The following WWOX variants were observed in gnomAD, a reference collection of about 807,000 sequenced individuals.
The protein encoded by WWOX is WW domain containing oxidoreductase, also known as WW domain-containing oxidoreductase.
Under a neutral mutation model 46.2 loss-of-function variants are expected in WWOX, and 69 were observed. That is an observed-to-expected ratio of 1.49 (90% CI 1.23 to 1.82). The LOEUF is 1.82. Among genes scored for constraint, WWOX ranks in the 40% most tolerant of loss-of-function variants. The pLI is 0.00. For missense variants in WWOX, 919 were observed against 542.6 expected (o/e 1.69, Z -6.89); for synonymous variants, 359 against 202.6 (o/e 1.77, Z -6.56).
At chr16:78,373,526 GCTTT>G (rs1567532961) in intron 5 of WWOX, among the ~76,000 whole-genome samples, 1 of 152,166 alleles carries the variant, frequency 6.6e-6, no homozygotes, top group African/African-American at 2.4e-5. Context: ...AGGAAATGTG[GCTTT>G]CTGTCTAGTC....
At chr16:78,674,383 C>G (rs2142212740) in intron 8 of WWOX, among the ~76,000 whole-genome samples, 1 of 151,278 alleles carries the variant, frequency 6.6e-6, no homozygotes, top group East Asian at 2.0e-4. Context: ...CTTCCAAGTT[C>G]AAGCAATTGT....
At chr16:79,209,726 C>T (rs772672449) in intron 8 of WWOX, among the ~76,000 whole-genome samples, 1 of 152,184 alleles carries the variant, frequency 6.6e-6, no homozygotes, top group Admixed American at 6.5e-5. Context: ...GCTGGATGAG[C>T]ATCTCAATTC....
intron 8 of WWOX, among the ~76,000 whole-genome samples, chr16:78,471,371 G>T (rs1335750150): frequency 1.3e-5 from 2 of 152,224 alleles, no homozygotes; most frequent in Admixed American, 1.3e-4. Context: ...CACCTCATTT[G>T]TCTGGTGGAA....
At chr16:78,659,372 C>A (rs2047158532) in intron 8 of WWOX, among the ~76,000 whole-genome samples, 1 of 152,074 alleles carries the variant, frequency 6.6e-6, no homozygotes, top group South Asian at 2.1e-4. Context: ...GCGACAACAT[C>A]AGGGTCATCT....
At chr16:78,798,863 C>G (rs1364996313) in intron 8 of WWOX, among the ~76,000 whole-genome samples, 1 of 152,114 alleles carries the variant, frequency 6.6e-6, no homozygotes, top group Non-Finnish European at 1.5e-5. Context: ...GGACTGAATA[C>G]AGATTAGGCA....
intron 8 of WWOX, among the ~76,000 whole-genome samples, chr16:78,599,355 G>C (rs866513501): frequency 1.2e-4 from 18 of 152,312 alleles, no homozygotes; most frequent in Middle Eastern, 6.8e-3. Context: ...TTGGGCTTGA[G>C]ACTCTGCAAA....
At chr16:79,100,746 C>G (rs2049175179) in intron 8 of WWOX, among the ~76,000 whole-genome samples, 1 of 152,110 alleles carries the variant, frequency 6.6e-6, no homozygotes, top group Non-Finnish European at 1.5e-5. Context: ...TAAAATAATT[C>G]AGGGACTGGG....
At chr16:78,672,231 C>G (rs2047481640) in intron 8 of WWOX, among the ~76,000 whole-genome samples, 1 of 152,166 alleles carries the variant, frequency 6.6e-6, no homozygotes, top group Non-Finnish European at 1.5e-5. Context: ...TAGAATTTTC[C>G]TTTTCCATGT....
At chr16:78,293,978 G>GAAAAAAAAAAAAAAAAAAAAAAAAAAAAA (rs35079271) in intron 5 of WWOX, among the ~76,000 whole-genome samples, 1 of 30,312 alleles carries the variant, frequency 3.3e-5, no homozygotes, top group Admixed American at 4.9e-4. Context: ...CTCTGTCTCA[G>GAAAAAAAAAAAAAAAAAAAAAAAAAAAAA]AAAAAAAAAA....
At chr16:78,900,567 T>G (rs907811545) in intron 8 of WWOX, among the ~76,000 whole-genome samples, 2 of 152,190 alleles carry the variant, frequency 1.3e-5, no homozygotes, top group African/African-American at 2.4e-5. Flanking sequence ...TTTCGTGGCC[T>G]TCAGGTTATT....
At chr16:78,108,053 C>T (rs980746226) in intron 1 of WWOX, among the ~76,000 whole-genome samples, 7 of 151,588 alleles carry the variant, frequency 4.6e-5, no homozygotes, top group African/African-American at 1.5e-4. Flanking sequence ...CTCAGCCTCC[C>T]GAGTAGCTGG....
chr16:78,431,745 C>A (rs1245370252), intron 7 of WWOX, among the ~76,000 whole-genome samples: 2 of 148,234 alleles, frequency 1.3e-5, no homozygotes, highest in South Asian at 2.1e-4. Context: ...ATATGGGGGT[C>A]TCACTCTGTT....
At chr16:79,016,679 T>TC (rs11428209) in intron 8 of WWOX, 101,124 of 151,992 alleles carry the variant, frequency 0.67, 34,364 homozygotes, top group East Asian at 0.86. Flanking sequence ...TGCATCGGCT[T>TC]CCCAAAGTGC....
intron 8 of WWOX, among the ~76,000 whole-genome samples, chr16:78,709,519 C>T (rs932346776): frequency 3.3e-5 from 5 of 152,118 alleles, no homozygotes; most frequent in African/African-American, 4.8e-5. Context: ...ATCTGATAGA[C>T]GGTGTGCCTC....
At chr16:78,723,309 C>T (rs1171588020) in intron 8 of WWOX, among the ~76,000 whole-genome samples, 1 of 152,152 alleles carries the variant, frequency 6.6e-6, no homozygotes, top group Admixed American at 6.5e-5. Flanking sequence ...GAAGCATGGT[C>T]TCTTGCCTTG....
intron 8 of WWOX, among the ~76,000 whole-genome samples, chr16:78,827,495 G>A (rs1309465940): frequency 6.6e-6 from 1 of 151,970 alleles, no homozygotes; most frequent in Non-Finnish European, 1.5e-5. Context: ...CCATTTTCTG[G>A]CAGGGAGACC....
At chr16:78,177,502 G>C (rs1255920165) in intron 5 of WWOX, among the ~76,000 whole-genome samples, 1 of 152,196 alleles carries the variant, frequency 6.6e-6, no homozygotes, top group African/African-American at 2.4e-5. Context: ...GGTGGACTGT[G>C]AACAGCCCCC....
intron 8 of WWOX, among the ~76,000 whole-genome samples, chr16:78,474,903 C>T (rs2084319011): frequency 6.6e-6 from 1 of 152,176 alleles, no homozygotes; most frequent in African/African-American, 2.4e-5. Context: ...CCTAATTTTT[C>T]AGTTCCTTGT....
chr16:78,929,511 G>A (rs1326516846), intron 8 of WWOX, among the ~76,000 whole-genome samples: 2 of 152,050 alleles, frequency 1.3e-5, no homozygotes, highest in East Asian at 1.9e-4. Context: ...TACTGGCACC[G>A]TATCCGAGTG....
Sources: gnomAD v4.1 joint callset for allele counts (sites outside exome capture counted in the v4.1 genomes callset) on GRCh38, gnomAD v4.1.1 for gene constraint, MANE v1.5 for transcripts, NCBI Gene and HGNC (gene_info 2026-07-23, HGNC 2026-07-21) for gene names.